The following INSC variants were observed in gnomAD, a reference collection of about 807,000 sequenced individuals.
INSC encodes the protein INSC spindle orientation adaptor protein.
Under a neutral mutation model 58.6 loss-of-function variants are expected in INSC, and 67 were observed. That is an observed-to-expected ratio of 1.14 (90% CI 0.94 to 1.40). INSC has a LOEUF of 1.40. Among genes scored for constraint, INSC ranks in the 40% most tolerant of loss-of-function variants. The pLI is 0.00. For missense variants in INSC, 714 were observed against 692.0 expected (o/e 1.03, Z -0.36); for synonymous variants, 262 against 276.1 (o/e 0.95, Z 0.51).
intron 1 of INSC, among the ~76,000 whole-genome samples, chr11:15,125,900 T>C (rs1847983877): frequency 6.6e-6 from 1 of 152,084 alleles, no homozygotes; most frequent in Non-Finnish European, 1.5e-5. Context: ...AGCTTCTGGG[T>C]GGAAGCCACA....
chr11:15,154,380 T>G, intron 2 of INSC, among the ~76,000 whole-genome samples: 1 of 152,352 alleles, frequency 6.6e-6, no homozygotes, highest in African/African-American at 2.4e-5. Flanking sequence ...TTTTTTAGTA[T>G]AAAATTGCTG....
chr11:15,228,936 C>T (rs1851743743), intron 9 of INSC, among the ~76,000 whole-genome samples: 1 of 152,194 alleles, frequency 6.6e-6, no homozygotes, highest in South Asian at 2.1e-4. Flanking sequence ...CTGCAGCTGA[C>T]ATGGTCAGCC....
downstream of INSC, among the ~76,000 whole-genome samples, chr11:15,250,662 C>G (rs1320219538): frequency 2.6e-5 from 4 of 152,182 alleles, no homozygotes; most frequent in African/African-American, 9.7e-5. Flanking sequence ...GTGTCTATCT[C>G]TTGGCATGTT....
chr11:15,183,475 G>T (rs1849856156), intron 5 of INSC, among the ~76,000 whole-genome samples: 1 of 151,656 alleles, frequency 6.6e-6, no homozygotes, highest in Admixed American at 6.6e-5. Context: ...GTTGTTGGAG[G>T]GATGATTATA....
upstream of INSC, among the ~76,000 whole-genome samples, chr11:15,114,572 GA>G (rs1461780592): frequency 2.0e-5 from 3 of 152,230 alleles, no homozygotes; most frequent in East Asian, 5.8e-4. Flanking sequence ...CCTTGTGGGC[GA>G]CCCCGCCTGG....
chr11:15,250,988 A>C (rs763237431), downstream of INSC, among the ~76,000 whole-genome samples: 1 of 152,222 alleles, frequency 6.6e-6, no homozygotes, highest in Non-Finnish European at 1.5e-5. Context: ...ATAATCCAAG[A>C]AGTTCTAAAG....
At chr11:15,227,558 C>T (rs1347874097) in intron 9 of INSC, among the ~76,000 whole-genome samples, 1 of 152,186 alleles carries the variant, frequency 6.6e-6, no homozygotes, top group Admixed American at 6.5e-5. Context: ...TGTATGATTC[C>T]AGACTTCCTT....
intron 8 of INSC, among the ~76,000 whole-genome samples, chr11:15,223,434 G>C (rs1301083783): frequency 6.6e-6 from 1 of 152,162 alleles, no homozygotes; most frequent in East Asian, 1.9e-4. Flanking sequence ...TCTTTGGTGG[G>C]AAATAGCCCT....
chr11:15,265,948 A>T, the INSC span, among the ~76,000 whole-genome samples: 2 of 150,934 alleles, frequency 1.3e-5, no homozygotes, highest in Non-Finnish European at 3.0e-5. Flanking sequence ...CCTCAGTGAA[A>T]TTTTCCAAGA....
chr11:15,202,791 CGTTT>C (rs1333731012), intron 7 of INSC, among the ~76,000 whole-genome samples: 2 of 152,180 alleles, frequency 1.3e-5, no homozygotes, highest in African/African-American at 2.4e-5. Context: ...CAGGGCTTTT[CGTTT>C]GTTTGTTTAG....
rs868728688 is a variant in INSC, at chr11:15,229,961, T to A, written c.1170+4133T>A. On this transcript the variant is annotated intron_variant, in intron 9 of 12. Transcript: ENST00000379556. ...ATATATATAATATTATATATATATT[T>A]ATATATATATATATATATTATATAT... Among the ~76,000 whole-genome samples, 121 of 33,050 alleles carry A rather than the reference T, an allele frequency of 3.7e-3. 1 individual carries two copies. Among genetic ancestry groups the A allele is most frequent in the Middle Eastern group, 0.013 (1 of 80 alleles). 21.7% of individuals were successfully genotyped at this position (33,050 alleles called of 152,430 possible). A position where few individuals can be genotyped will look rare whatever the true frequency, so the allele number is the denominator to read the frequency against.
intron 2 of INSC, among the ~76,000 whole-genome samples, chr11:15,155,226 C>A (rs188222340): frequency 6.6e-6 from 1 of 152,328 alleles, no homozygotes; most frequent in East Asian, 1.9e-4. Context: ...GGTTCTACTC[C>A]TTTGCACATG....
the INSC span, among the ~76,000 whole-genome samples, chr11:15,263,155 C>T: frequency 6.6e-6 from 1 of 152,078 alleles, no homozygotes; most frequent in African/African-American, 2.4e-5. Flanking sequence ...GAAGATATAT[C>T]TGAAAAGGTG....
the INSC span, among the ~76,000 whole-genome samples, chr11:15,258,721 C>T: frequency 6.6e-6 from 1 of 152,194 alleles, no homozygotes; most frequent in Non-Finnish European, 1.5e-5. Flanking sequence ...TCCCAATAGG[C>T]CCCTTTAGGG....
At chr11:15,130,162 T>C (rs1227455399) in intron 1 of INSC, among the ~76,000 whole-genome samples, 1 of 152,262 alleles carries the variant, frequency 6.6e-6, no homozygotes, top group Non-Finnish European at 1.5e-5. Context: ...TTTATTTTGT[T>C]TCTGATCTCA....
intron 2 of INSC, 38 bp from the exon 3 acceptor site, chr11:15,175,703 G>A (rs753233753): frequency 2.8e-5 from 41 of 1,458,318 alleles, no homozygotes; most frequent in Non-Finnish European, 3.6e-5. Flanking sequence ...AAATCATGGG[G>A]TGTTGATAAT....
intron 5 of INSC, among the ~76,000 whole-genome samples, chr11:15,183,786 A>G (rs562254000): frequency 2.4e-4 from 36 of 152,196 alleles, no homozygotes; most frequent in Non-Finnish European, 5.0e-4. Context: ...ACAACCAAAA[A>G]TTTCAAGATA....
intron 1 of INSC, among the ~76,000 whole-genome samples, chr11:15,123,273 CATTT>C (rs1847917158): frequency 6.6e-6 from 1 of 152,176 alleles, no homozygotes; most frequent in Non-Finnish European, 1.5e-5. Context: ...TTCAATTTTA[CATTT>C]ATTTATGTAA....
intron 1 of INSC, among the ~76,000 whole-genome samples, chr11:15,146,584 TA>T (rs1177586331): frequency 6.6e-6 from 1 of 152,184 alleles, no homozygotes; most frequent in African/African-American, 2.4e-5. Context: ...TGGGGTGCTT[TA>T]AAAAATCAAG....
Sources: gnomAD v4.1 joint callset for allele counts (sites outside exome capture counted in the v4.1 genomes callset) on GRCh38, gnomAD v4.1.1 for gene constraint, MANE v1.5 for transcripts, NCBI Gene and HGNC (gene_info 2026-07-23, HGNC 2026-07-21) for gene names.